Variants in SH3RF1 observed in about 807,000 individuals in gnomAD.
SH3RF1 encodes E3 ubiquitin-protein ligase SH3RF1.
SH3RF1 carries 32 observed loss-of-function variants against 74.0 expected under a neutral mutation model. The observed-to-expected ratio is 0.43, with a 90% CI of 0.33 to 0.58. The LOEUF is 0.58. Ranked by LOEUF, SH3RF1 falls within the 20% of genes least tolerant of loss-of-function variation. The pLI, the probability that SH3RF1 is intolerant of heterozygous loss-of-function variation, is 0.05. For synonymous variants in SH3RF1, 396 were observed against 439.6 expected, an observed-to-expected ratio of 0.90 and a Z score of 1.24; for missense variants, 954 against 1,130.9, an observed-to-expected ratio of 0.84 and a Z score of 2.24.
At chr4:169,172,206 C>T (rs1426815454) in intron 2 of SH3RF1, among the ~76,000 whole-genome samples, 1 of 152,214 alleles carries the variant, frequency 6.6e-6, no homozygotes, top group Non-Finnish European at 1.5e-5. Context: ...AAAGCCACGA[C>T]CAGCTCAGTT....
At chr4:169,167,968 C>G (rs1270588291) in intron 2 of SH3RF1, among the ~76,000 whole-genome samples, 1 of 151,974 alleles carries the variant, frequency 6.6e-6, no homozygotes, top group African/African-American at 2.4e-5. Context: ...GAGTCCCTGT[C>G]TCTAAATAAA....
intron 2 of SH3RF1, among the ~76,000 whole-genome samples, chr4:169,168,498 G>A (rs1734280258): frequency 6.6e-6 from 1 of 152,180 alleles, no homozygotes; most frequent in African/African-American, 2.4e-5. Context: ...AGATGTATTA[G>A]TACAGCAGTA....
In SH3RF1 at chr4:169,186,450, A is replaced by G; in HGVS notation, c.394-29771T>C. ...ACTATAAAACACTTATTTCTATCAA[A>G]TCCCCTATTTTCTTTCTGATTCCAT... is the stretch of plus-strand genomic sequence containing the variant. On this transcript the variant is annotated intron_variant, in intron 2 of 11. Coordinates refer to ENST00000284637, the MANE Select transcript of SH3RF1 (RefSeq NM_020870.4). Among the ~76,000 whole-genome samples the G allele has an allele frequency of 1.3e-5, 2 of 151,944 alleles. 1 individual carries two copies. The highest frequency in any genetic ancestry group is 3.9e-4 in the East Asian group (2 of 5,142).
At chr4:169,167,135 TTAAG>T (rs1452049493) in intron 2 of SH3RF1, 1 of 159,882 alleles carries the variant, frequency 6.3e-6, no homozygotes, top group Admixed American at 6.5e-5. Context: ...AAGAACCTAA[TTAAG>T]TAACTGATAA....
intron 2 of SH3RF1, among the ~76,000 whole-genome samples, chr4:169,186,778 A>G (rs2660395): frequency 0.72 from 108,450 of 149,896 alleles, 39,395 homozygotes; most frequent in East Asian, 0.9. Context: ...AGGCTGAGGC[A>G]GGCGGATCAC....
At chr4:169,243,047 AGCTGT>A (rs1265243236) in intron 2 of SH3RF1, among the ~76,000 whole-genome samples, 2 of 152,202 alleles carry the variant, frequency 1.3e-5, no homozygotes, top group African/African-American at 4.8e-5. Context: ...TTTCCAAGAC[AGCTGT>A]CCAGTCTTCA....
intron 2 of SH3RF1, among the ~76,000 whole-genome samples, chr4:169,159,685 T>C (rs1021440294): frequency 3.3e-5 from 5 of 152,216 alleles, no homozygotes; most frequent in African/African-American, 9.6e-5. Flanking sequence ...ATTGTCATCA[T>C]CGTCATCATT....
chr4:169,197,000 T>C (rs1734824094), intron 2 of SH3RF1, among the ~76,000 whole-genome samples: 1 of 152,134 alleles, frequency 6.6e-6, no homozygotes, highest in Non-Finnish European at 1.5e-5. Flanking sequence ...ATTCTATTAC[T>C]TTAATTTATT....
At chr4:169,184,679 C>A (rs986377137) in intron 2 of SH3RF1, among the ~76,000 whole-genome samples, 4 of 152,178 alleles carry the variant, frequency 2.6e-5, no homozygotes, top group Admixed American at 2.6e-4. Flanking sequence ...AGATTCCTGA[C>A]TTCCTAATTA....
intron 2 of SH3RF1, among the ~76,000 whole-genome samples, chr4:169,175,051 C>A (rs1214015654): frequency 6.6e-6 from 1 of 152,158 alleles, no homozygotes; most frequent in Non-Finnish European, 1.5e-5. Flanking sequence ...TGGTAAATAG[C>A]CCACTGTTCA....
intron 2 of SH3RF1, among the ~76,000 whole-genome samples, chr4:169,196,104 C>G (rs1342764953): frequency 6.6e-6 from 1 of 152,168 alleles, no homozygotes; most frequent in Non-Finnish European, 1.5e-5. Context: ...AGTGAGCCAC[C>G]ACGCCCAGCG....
At chr4:169,207,346 G>A (rs1328410180) in intron 2 of SH3RF1, among the ~76,000 whole-genome samples, 3 of 152,146 alleles carry the variant, frequency 2.0e-5, no homozygotes, top group Non-Finnish European at 2.9e-5. Context: ...AGGGTCACTT[G>A]AGCCCAAGAG....
chr4:169,234,452 CAAATAT>C (rs1410621942), intron 2 of SH3RF1, among the ~76,000 whole-genome samples: 2 of 152,196 alleles, frequency 1.3e-5, no homozygotes, highest in Non-Finnish European at 2.9e-5. Flanking sequence ...CATAACTCCT[CAAATAT>C]ACTGCCATAG....
At chr4:169,258,407 G>C (rs1579167358) in intron 2 of SH3RF1, among the ~76,000 whole-genome samples, 1 of 152,174 alleles carries the variant, frequency 6.6e-6, no homozygotes, top group African/African-American at 2.4e-5. Context: ...TTGTACAACA[G>C]TGTTAACACT....
At chr4:169,129,719 A>G (rs1579096757) in intron 6 of SH3RF1, among the ~76,000 whole-genome samples, 1 of 152,370 alleles carries the variant, frequency 6.6e-6, no homozygotes, top group East Asian at 1.9e-4. Flanking sequence ...ATGTGTCCTT[A>G]TAAGAAATAA....
chr4:169,107,228 C>A, intron 10 of SH3RF1, 23 bp from the exon 11 acceptor site: 1 of 1,513,054 alleles, frequency 6.6e-7, no homozygotes, highest in Non-Finnish European at 8.9e-7. Context: ...AATAATGAGC[C>A]TTAGTTGGAG....
chr4:169,268,982 T>C lies in SH3RF1; in HGVS notation c.231A>G (p.Lys77=). Residue 77 remains lysine, a synonymous_variant, in exon 2 of 12, where the codon AAA becomes AAG. Transcript: ENST00000284637. ...CAGGACCAGGTTTCCAAGGCCTCTG[T>C]TTGATGCCATCCAGAAGTCTGACCA... ...ILLVRLLDGI[K]QRPWKPGPGG... is the part of the protein sequence containing the mutation. 3 of 1,614,168 alleles carry C rather than the reference T, an allele frequency of 1.9e-6. No individual in the cohort carries two copies. Among genetic ancestry groups the C allele is most frequent in the Non-Finnish European group, 2.5e-6 (3 of 1,180,022 alleles).
At chr4:169,122,338 G>A in intron 6 of SH3RF1, 72 bp from the exon 7 acceptor site, 3 of 1,461,364 alleles carry the variant, frequency 2.1e-6, no homozygotes, top group South Asian at 1.3e-5. Flanking sequence ...TCCTATGGAA[G>A]GTGGGAGAGA....
At chr4:169,161,055 T>A (rs1346334144) in intron 2 of SH3RF1, among the ~76,000 whole-genome samples, 1 of 152,136 alleles carries the variant, frequency 6.6e-6, no homozygotes, top group Non-Finnish European at 1.5e-5. Flanking sequence ...TATCCTCTCA[T>A]CAGGCCAAGG....
Sources: allele counts gnomAD v4.1 joint callset (sites outside exome capture counted in the v4.1 genomes callset), GRCh38; gene constraint gnomAD v4.1.1; transcripts MANE v1.5; gene names NCBI Gene and HGNC (gene_info 2026-07-23, HGNC 2026-07-21).